Variants in RAB18 observed in about 807,000 individuals in gnomAD.
The protein encoded by RAB18 is RAB18, member RAS oncogene family, also known as ras-related protein Rab-18.
In RAB18, 10 loss-of-function variants were observed where a neutral mutation model predicts 28.5. The observed-to-expected ratio is 0.35, with a 90% confidence interval of 0.22 to 0.60. RAB18 has a LOEUF of 0.60. Among genes scored for constraint, RAB18 ranks in the 20% least tolerant of loss-of-function variants. RAB18 has a pLI of 0.78. For synonymous variants in RAB18, 93 were observed against 86.9 expected, an observed-to-expected ratio of 1.07 and a Z score of -0.39; for missense variants, 188 against 244.2, an observed-to-expected ratio of 0.77 and a Z score of 1.53.
chr10:27,521,263 ACGG>A (rs1834546818), intron 2 of RAB18, among the ~76,000 whole-genome samples: 2 of 151,986 alleles, frequency 1.3e-5, no homozygotes, highest in African/African-American at 4.8e-5. Context: ...TTGTTGTTAT[ACGG>A]AGTATTCTGT....
At chr10:27,531,162 G>A (rs1834779073) in intron 3 of RAB18, among the ~76,000 whole-genome samples, 9 of 152,004 alleles carry the variant, frequency 5.9e-5, no homozygotes, top group Admixed American at 5.9e-4. Flanking sequence ...CTTCACTTAA[G>A]CATGGCAGGG....
At chr10:27,525,540 C>A (rs1440467770) in intron 2 of RAB18, among the ~76,000 whole-genome samples, 31 of 151,722 alleles carry the variant, frequency 2.0e-4, no homozygotes, top group African/African-American at 6.8e-4. Context: ...CTGGTTAATA[C>A]AAGATTATTT....
chr10:27,530,318 A>T (rs925663047), intron 3 of RAB18, among the ~76,000 whole-genome samples: 1 of 151,986 alleles, frequency 6.6e-6, no homozygotes, highest in Non-Finnish European at 1.5e-5. Flanking sequence ...TTCCAAATTC[A>T]CTAATTCACT....
intron 3 of RAB18, 54 bp from the exon 4 acceptor site, chr10:27,532,453 A>G (rs1445892201): frequency 3.1e-6 from 4 of 1,285,602 alleles, no homozygotes; most frequent in Admixed American, 1.7e-5. Flanking sequence ...TTAAACTAGT[A>G]TATTGAAGGT....
chr10:27,506,705 G>T (rs180691888), intron 1 of RAB18, among the ~76,000 whole-genome samples: 1 of 152,068 alleles, frequency 6.6e-6, no homozygotes. Context: ...CCAAACTCCT[G>T]CCTCATACTC....
intron 6 of RAB18, among the ~76,000 whole-genome samples, chr10:27,535,726 T>C (rs1166624537): frequency 1.3e-5 from 2 of 152,114 alleles, no homozygotes; most frequent in Non-Finnish European, 2.9e-5. Flanking sequence ...AAATTGGCAG[T>C]TCTAGGAGAT....
intron 3 of RAB18, among the ~76,000 whole-genome samples, chr10:27,530,540 A>G (rs1304470108): frequency 1.3e-5 from 2 of 151,872 alleles, no homozygotes; most frequent in Non-Finnish European, 3.0e-5. Flanking sequence ...GAATATTACT[A>G]ATTTGTCATT....
chr10:27,521,264 C>T lies in RAB18; in HGVS notation c.125-5564C>T, dbSNP rs1564831842. Among the ~76,000 whole-genome samples the T allele has an allele frequency of 3.9e-5, 6 of 151,980 alleles. No homozygotes were observed. In the South Asian group the frequency reaches 1.0e-3, roughly 26 times the overall value. On this transcript the variant is annotated intron_variant, in intron 2 of 6. Transcript: ENST00000356940. Reference sequence around the variant, plus strand: ...TACTTGAAAAAAATTTGTTGTTATACGGAGTATTCTGTTGGCTCTAATTGG... The same window carrying T: ...TACTTGAAAAAAATTTGTTGTTATATGGAGTATTCTGTTGGCTCTAATTGG...
chr10:27,531,271 A>G (rs1290991337), intron 3 of RAB18, among the ~76,000 whole-genome samples: 2 of 152,040 alleles, frequency 1.3e-5, no homozygotes, highest in Non-Finnish European at 2.9e-5. Context: ...AAAGTGGTTT[A>G]CATTGAAACG....
chr10:27,518,731 C>T (rs924947320), intron 2 of RAB18, among the ~76,000 whole-genome samples: 2 of 151,746 alleles, frequency 1.3e-5, no homozygotes, highest in African/African-American at 2.4e-5. Context: ...TTTTTTCATT[C>T]GTGTAAAAGT....
chr10:27,511,207 A>G (rs974117751), intron 2 of RAB18, among the ~76,000 whole-genome samples: 1 of 151,960 alleles, frequency 6.6e-6, no homozygotes, highest in Non-Finnish European at 1.5e-5. Flanking sequence ...TTAATTAATG[A>G]ATTAATTTAT....
chr10:27,542,037 G>A lies in RAB18; in HGVS notation c.*3986G>A. 2.2e-6 allele frequency: 1 copy of A among 454,122 alleles called. No individual in the cohort carries two copies. Among genetic ancestry groups the A allele is most frequent in the Non-Finnish European group, 4.4e-6 (1 of 226,786 alleles). 28.1% of individuals were successfully genotyped at this position (454,122 alleles called of 1,614,324 possible). A position where few individuals can be genotyped will look rare whatever the true frequency, so the allele number is the denominator to read the frequency against. On this transcript the variant is annotated 3_prime_UTR_variant, in exon 7 of 7. Transcript: ENST00000356940. The stretch of plus-strand genomic sequence containing the variant: ...GAGCAATTGAAGACATCTTGTTGGA[G>A]ATAGTGTGCTGGGAGGAGTCACATT...
chr10:27,537,598 G>C (rs1012524706), intron 6 of RAB18, among the ~76,000 whole-genome samples: 1 of 152,188 alleles, frequency 6.6e-6, no homozygotes, highest in Non-Finnish European at 1.5e-5. Flanking sequence ...CGCTATTTAA[G>C]TAGGGCTTTA....
In RAB18 at chr10:27,529,468, A is replaced by G. The variant is rs183525300; in HGVS notation, c.186+2579A>G. 6.6e-5 allele frequency among the ~76,000 whole-genome samples: 10 copies of G among 152,090 alleles called. No homozygotes were observed. The East Asian group carries it at 1.9e-3, about 29-fold the overall frequency. On this transcript the variant is annotated intron_variant, in intron 3 of 6. Coordinates refer to ENST00000356940, the MANE Select transcript of RAB18 (RefSeq NM_021252.5). ...CTAGGATGAAATAGAATAATTAAGC[A>G]TAGCCCTGCCCCTCCTACCTCCTGA...
intron 4 of RAB18, 94 bp from the exon 5 acceptor site, chr10:27,533,640 AT>A: frequency 6.9e-7 from 1 of 1,453,696 alleles, no homozygotes; most frequent in Non-Finnish European, 9.5e-7. Context: ...ACTTGTCTAT[AT>A]TGCTTAGTAA....
chr10:27,526,393 GAGTT>G (rs2132397200), intron 2 of RAB18, among the ~76,000 whole-genome samples: 1 of 152,204 alleles, frequency 6.6e-6, no homozygotes, highest in South Asian at 2.1e-4. Flanking sequence ...GTCAAGATCT[GAGTT>G]AGTGGTTGGC....
At chr10:27,522,982 T>C (rs1834592209) in intron 2 of RAB18, among the ~76,000 whole-genome samples, 1 of 152,084 alleles carries the variant, frequency 6.6e-6, no homozygotes, top group South Asian at 2.1e-4. Flanking sequence ...ATTTTTGTTG[T>C]TGTTTTTCTG....
intron 1 of RAB18, among the ~76,000 whole-genome samples, chr10:27,506,889 G>T (rs1837853320): frequency 6.6e-6 from 1 of 152,138 alleles, no homozygotes; most frequent in African/African-American, 2.4e-5. Flanking sequence ...CGTAGCAATG[G>T]ATTATCAACT....
intron 1 of RAB18, 119 bp downstream of exon 1, chr10:27,504,556 C>T (rs369302646): frequency 1.7e-6 from 2 of 1,186,834 alleles, no homozygotes; most frequent in Non-Finnish European, 2.4e-6. Flanking sequence ...GCCGGCTCCG[C>T]TCGCGCCCTC....
Sources: allele counts gnomAD v4.1 joint callset (sites outside exome capture counted in the v4.1 genomes callset), GRCh38; gene constraint gnomAD v4.1.1; transcripts MANE v1.5; gene names NCBI Gene and HGNC (gene_info 2026-07-23, HGNC 2026-07-21).